DCC: variants seen among roughly 807,000 people sequenced by gnomAD.
The protein encoded by DCC is netrin receptor DCC.
Under a neutral mutation model 172.5 loss-of-function variants are expected in DCC, and 58 were observed. The ratio of observed to expected loss-of-function variants is 0.34; its 90% CI spans 0.27 to 0.42. DCC has a LOEUF of 0.42. Among genes scored for constraint, DCC ranks in the 10% least tolerant of loss-of-function variants. The pLI, the probability that DCC is intolerant of heterozygous loss-of-function variation, is 1.00. For missense variants in DCC, 1,740 were observed against 1,791.0 expected (o/e 0.97, Z 0.51); for synonymous variants, 709 against 644.5 (o/e 1.10, Z -1.52).
At position 53,450,586 on chromosome 18, in the gene DCC, G is replaced by A. The variant is rs140962759; in HGVS notation, c.3316G>A (p.Val1106Ile). The change falls in exon 23 of 29, where the codon GTT (valine) becomes ATT (isoleucine). Residue 1106 changes from valine (V) to isoleucine (I), a missense_variant. By Grantham distance (29) the Val-to-Ile change is conservative (BLOSUM62 3). This residue lies in a region of DCC where 1,732 missense variants were observed against 1,767.4 expected (regional missense o/e 0.98). Transcript: ENST00000442544. The stretch of plus-strand genomic sequence containing the variant: ...CCTGCTTGTGATCATTGTGGTCACC[G>A]TTGGTGTCATCACAGTGCTGGTAGT... ...SNLLVIIVVTVGVITVLVVVI... is the reference protein window; with the variant it reads ...SNLLVIIVVTIGVITVLVVVI... 1.6e-5 allele frequency: 26 copies of A among 1,611,568 alleles called. No homozygotes were observed. The highest frequency in any genetic ancestry group is 1.2e-4 in the African/African-American group (9 of 74,094).
intron 7 of DCC, among the ~76,000 whole-genome samples, chr18:53,101,540 C>G (rs1386123877): frequency 1.3e-5 from 2 of 152,056 alleles, no homozygotes; most frequent in Non-Finnish European, 2.9e-5. Context: ...TAGTCACACA[C>G]CAGCATGCTG....
rs553206817 is a variant in DCC, at chr18:52,397,487, T to C, written c.91+56609T>C. Among the ~76,000 whole-genome samples, 5 of 152,166 alleles carry C rather than the reference T, an allele frequency of 3.3e-5. No individual in the cohort carries two copies. The East Asian group carries it at 9.7e-4, about 30-fold the overall frequency. Reference sequence around the variant, plus strand: ...GGAATGTAACACTATTGCTGCTATATGCATAAATGGCTTTCATTCCTAGGG... The same window carrying C: ...GGAATGTAACACTATTGCTGCTATACGCATAAATGGCTTTCATTCCTAGGG... On this transcript the variant is annotated intron_variant, in intron 1 of 28. Coordinates refer to ENST00000442544, the MANE Select transcript of DCC (RefSeq NM_005215.4).
intron 2 of DCC, among the ~76,000 whole-genome samples, chr18:52,887,066 G>A (rs1598899639): frequency 2.0e-5 from 3 of 152,172 alleles, no homozygotes. Context: ...GAGTGGAGTA[G>A]CCATGGTAAA....
At chr18:52,917,085 C>G (rs1482344814) in intron 3 of DCC, among the ~76,000 whole-genome samples, 12 of 138,602 alleles carry the variant, frequency 8.7e-5, no homozygotes, top group Non-Finnish European at 1.7e-4. Context: ...GAGTTTGAGA[C>G]CAGCCTGGGC....
At chr18:52,680,666 A>G (rs2035733317) in intron 1 of DCC, among the ~76,000 whole-genome samples, 1 of 152,166 alleles carries the variant, frequency 6.6e-6, no homozygotes, top group Non-Finnish European at 1.5e-5. Flanking sequence ...CACATAGTGC[A>G]AACCCAGTAA....
At chr18:53,013,711 A>G (rs901854345) in intron 5 of DCC, among the ~76,000 whole-genome samples, 7 of 151,992 alleles carry the variant, frequency 4.6e-5, no homozygotes, top group Non-Finnish European at 8.8e-5. Flanking sequence ...AAAAAAAAAA[A>G]AAAATCTGAG....
At chr18:53,322,537 C>A (rs967380781) in intron 14 of DCC, among the ~76,000 whole-genome samples, 1 of 151,924 alleles carries the variant, frequency 6.6e-6, no homozygotes, top group Non-Finnish European at 1.5e-5. Flanking sequence ...AATATAGCTT[C>A]TCTTGCTTTT....
At chr18:52,829,241 G>T (rs2145290574) in intron 2 of DCC, among the ~76,000 whole-genome samples, 1 of 152,314 alleles carries the variant, frequency 6.6e-6, no homozygotes, top group Admixed American at 6.5e-5. Flanking sequence ...AGTGAAGGCT[G>T]ATGCTCAGTT....
chr18:52,541,897 G>GTGTATATATATATATATATATATA (rs2032470530), intron 1 of DCC, among the ~76,000 whole-genome samples: 1 of 43,462 alleles, frequency 2.3e-5, no homozygotes, highest in Non-Finnish European at 6.0e-5. Flanking sequence ...ATATATATAT[G>GTGTATATATATATATATATATATA]TGTATATATA....
chr18:52,872,471 A>C (rs533392136), intron 2 of DCC, among the ~76,000 whole-genome samples: 2 of 152,322 alleles, frequency 1.3e-5, no homozygotes, highest in African/African-American at 4.8e-5. Flanking sequence ...CCCCAGAGAC[A>C]GTTTTCAGGG....
At chr18:53,105,047 A>G (rs1467814518) in intron 7 of DCC, among the ~76,000 whole-genome samples, 1 of 152,036 alleles carries the variant, frequency 6.6e-6, no homozygotes, top group Non-Finnish European at 1.5e-5. Context: ...TAATTTTAAT[A>G]CTACTGGAAA....
intron 1 of DCC, among the ~76,000 whole-genome samples, chr18:52,394,554 G>T (rs533622617): frequency 6.6e-6 from 1 of 151,904 alleles, no homozygotes; most frequent in East Asian, 2.0e-4. Flanking sequence ...TGAGATTACA[G>T]GTGTGAGCCA....
At chr18:52,991,466 C>G (rs2041391005) in intron 5 of DCC, among the ~76,000 whole-genome samples, 1 of 152,144 alleles carries the variant, frequency 6.6e-6, no homozygotes, top group Non-Finnish European at 1.5e-5. Context: ...TTGAATAAGG[C>G]TGTACATTCT....
intron 12 of DCC, among the ~76,000 whole-genome samples, chr18:53,296,573 G>A (rs17411548): frequency 1.3e-5 from 2 of 151,988 alleles, no homozygotes; most frequent in Admixed American, 6.6e-5. Flanking sequence ...AGGCTGGGGC[G>A]CCAGTTAGCT....
chr18:52,680,450 A>C (rs188001212), intron 1 of DCC, among the ~76,000 whole-genome samples: 2 of 152,060 alleles, frequency 1.3e-5, no homozygotes, highest in African/African-American at 2.4e-5. Flanking sequence ...TCTTATCCCA[A>C]ATGGAATTCC....
At chr18:52,560,310 T>C (rs1015509738) in intron 1 of DCC, among the ~76,000 whole-genome samples, 7 of 152,252 alleles carry the variant, frequency 4.6e-5, no homozygotes, top group African/African-American at 1.7e-4. Flanking sequence ...TTGTATATAA[T>C]TGTATATAAT....
intron 1 of DCC, among the ~76,000 whole-genome samples, chr18:52,597,907 G>A (rs1162542369): frequency 6.6e-6 from 1 of 152,156 alleles, no homozygotes; most frequent in Non-Finnish European, 1.5e-5. Context: ...GTTTCTAAGA[G>A]CACTGAATCA....
chr18:52,753,109 C>A (rs1257745190), intron 2 of DCC, among the ~76,000 whole-genome samples: 1 of 151,952 alleles, frequency 6.6e-6, no homozygotes, highest in Non-Finnish European at 1.5e-5. Context: ...CTCTTATATA[C>A]CCTCATTTCA....
chr18:53,119,963 A>C (rs956833577), intron 7 of DCC, among the ~76,000 whole-genome samples: 13 of 152,000 alleles, frequency 8.6e-5, no homozygotes, highest in African/African-American at 3.1e-4. Flanking sequence ...GTTATATAAA[A>C]ACTGTTGATA....
Sources: allele counts gnomAD v4.1 joint callset (sites outside exome capture counted in the v4.1 genomes callset), GRCh38; gene constraint gnomAD v4.1.1; regional missense constraint gnomAD v4.1.1; transcripts MANE v1.5; gene names NCBI Gene and HGNC (gene_info 2026-07-23, HGNC 2026-07-21).